TCERG1: variants seen among roughly 807,000 people sequenced by gnomAD.
TCERG1 encodes the protein transcription elongation regulator 1, also known as TATA box binding protein (TBP)-associated factor, RNA polymerase II, S, 150kD.
In TCERG1, 37 loss-of-function variants were observed where a neutral mutation model predicts 144.7. That is an observed-to-expected ratio of 0.26 (90% CI 0.20 to 0.34). The LOEUF (loss-of-function observed/expected upper bound fraction) is 0.34, where lower values mean the gene tolerates loss of function less well. Ranked by LOEUF, TCERG1 falls within the 10% of genes least tolerant of loss-of-function variation. The probability of loss-of-function intolerance (pLI) is 1.00; values close to 1 mark genes in which losing one functional copy is unlikely to be tolerated. For missense variants in TCERG1, 1,027 were observed against 1,380.7 expected (o/e 0.74, Z 4.06); for synonymous variants, 492 against 458.2 (o/e 1.07, Z -0.94).
chr5:146,478,279 G>C (rs1239088723), intron 9 of TCERG1: 3 of 398,434 alleles, frequency 7.5e-6, no homozygotes, highest in Non-Finnish European at 1.3e-5. Flanking sequence ...GCATTTCTTG[G>C]TTTTCTCAGT....
At chr5:146,509,941 A>G (rs1252380109) in intron 22 of TCERG1, 1 of 687,502 alleles carries the variant, frequency 1.5e-6, no homozygotes. Context: ...GAGGCTAGAT[A>G]GTGCTGAGGG....
chr5:146,509,952 T>C (rs1768333622), intron 22 of TCERG1: 1 of 842,704 alleles, frequency 1.2e-6, no homozygotes, highest in East Asian at 6.4e-5. Flanking sequence ...GTGCTGAGGG[T>C]GTGGTTTTTA....
chr5:146,509,344 T>C (rs1223779834), intron 22 of TCERG1, 99 bp downstream of exon 22: 3 of 795,502 alleles, frequency 3.8e-6, no homozygotes, highest in Non-Finnish European at 6.0e-6. Context: ...ATGTTGACAT[T>C]ATTAATTTTT....
chr5:146,470,782 CATTA>C lies in TCERG1; in HGVS notation c.1512+38_1512+41del, dbSNP rs756225269. 12 of 1,490,278 alleles carry C rather than the reference CATTA, an allele frequency of 8.1e-6. 1 individual carries two copies. In the Middle Eastern group the frequency reaches 5.3e-4, roughly 65 times the overall value. The allele number at this position is 1,490,278 out of a possible 1,614,324, so 92.3% of individuals were successfully genotyped here. A position where few individuals can be genotyped will look rare whatever the true frequency, so the allele number is the denominator to read the frequency against. The stretch of plus-strand genomic sequence containing the variant: ...CCATGACCTGTTAACCTGGGAGCCA[CATTA>C]ATTGTTTCCTACAGCTTACTTGTAT... On this transcript the variant is annotated intron_variant, in intron 8 of 22. Transcript: ENST00000679501.
chr5:146,470,881 C>T, intron 8 of TCERG1, 133 bp downstream of exon 8: 1 of 622,838 alleles, frequency 1.6e-6, no homozygotes, highest in East Asian at 3.2e-5. Flanking sequence ...AGGATTCTTG[C>T]AAGTTCTTAA....
At chr5:146,465,676 G>C (rs1195454256) in intron 5 of TCERG1, among the ~76,000 whole-genome samples, 1 of 152,182 alleles carries the variant, frequency 6.6e-6, no homozygotes, top group African/African-American at 2.4e-5. Flanking sequence ...TTGGGGGTCA[G>C]TTGGAAGAGA....
rs186305640 is a variant in TCERG1, at chr5:146,460,762, A to G, written c.892+1425A>G. Among the ~76,000 whole-genome samples the G allele has an allele frequency of 2.0e-5, 3 of 152,308 alleles. No homozygotes were observed. The East Asian group carries it at 5.8e-4, about 29-fold the overall frequency. ...ATTTTGTAGCGGGGGAATGTACTGA[A>G]CAGGAAAATATGAATAGTGTTTTAC... On this transcript the variant is annotated intron_variant, in intron 4 of 22. Transcript: ENST00000679501.
intron 3 of TCERG1, among the ~76,000 whole-genome samples, chr5:146,457,959 C>G (rs1309781264): frequency 6.6e-6 from 1 of 152,166 alleles, no homozygotes; most frequent in East Asian, 1.9e-4. Flanking sequence ...AAGCAATTCT[C>G]CTGCCTCAGC....
chr5:146,500,022 C>T (rs2150825184), intron 17 of TCERG1: 1 of 151,732 alleles, frequency 6.6e-6, no homozygotes, highest in South Asian at 2.1e-4. Context: ...GAGAATTGTG[C>T]CCAGAATGTG....
At chr5:146,474,180 A>T (rs1411978928) in intron 9 of TCERG1, among the ~76,000 whole-genome samples, 1 of 152,204 alleles carries the variant, frequency 6.6e-6, no homozygotes, top group Non-Finnish European at 1.5e-5. Flanking sequence ...GGAGGTCCAG[A>T]TATTAACATT....
At chr5:146,479,397 G>T (rs1282822503) in intron 10 of TCERG1, among the ~76,000 whole-genome samples, 1 of 152,018 alleles carries the variant, frequency 6.6e-6, no homozygotes, top group South Asian at 2.1e-4. Context: ...AGTCAGTGCC[G>T]CTTTGCCTAT....
chr5:146,465,875 A>AT (rs1314053030), intron 5 of TCERG1, among the ~76,000 whole-genome samples: 1 of 152,066 alleles, frequency 6.6e-6, no homozygotes, highest in African/African-American at 2.4e-5. Flanking sequence ...CTAAAAATAC[A>AT]AAATTAGCCG....
chr5:146,487,751 C>G (rs141753332), intron 15 of TCERG1, among the ~76,000 whole-genome samples: 154 of 140,818 alleles, frequency 1.1e-3, no homozygotes, highest in African/African-American at 4.0e-3. Flanking sequence ...AAAAAAAAAT[C>G]CTAAAATTTT....
chr5:146,472,701 T>TTGTGTGTGTGTGTG (rs59508893), intron 9 of TCERG1, among the ~76,000 whole-genome samples: 5,498 of 145,948 alleles, frequency 0.038, 239 homozygotes, highest in African/African-American at 0.1. Flanking sequence ...ACCTCTCACT[T>TTGTGTGTGTGTGTG]TGTGTGTGTG....
Position 146,507,858 on chromosome 5 carries a change from C to A in TCERG1, c.2962-15C>A, listed in dbSNP as rs1262044648. The stretch of plus-strand genomic sequence containing the variant: ...GTGAGTTGTATTTATGTTTTTTATT[C>A]ATGTCTTTTCAAAGATTACCTTAAC... On this transcript the variant is annotated splice_polypyrimidine_tract_variant and intron_variant, in intron 20 of 22. Transcript: ENST00000679501. The surrounding 1 kb of genome is among the most constrained non-coding windows in gnomAD (Gnocchi z 4.6). 3 of 1,579,592 alleles carry A rather than the reference C, an allele frequency of 1.9e-6. No individual in the cohort carries two copies. In the Admixed American group the frequency reaches 5.2e-5, roughly 27 times the overall value.
Position 146,457,839 on chromosome 5 carries a change from T to A in TCERG1, c.438+504T>A, listed in dbSNP as rs1184955193. 3.3e-5 allele frequency among the ~76,000 whole-genome samples: 5 copies of A among 152,196 alleles called. No individual in the cohort carries two copies. In the East Asian group the frequency reaches 9.6e-4, roughly 29 times the overall value. On this transcript the variant is annotated intron_variant, in intron 3 of 22. Transcript: ENST00000679501. ...AATTGGGCTGTGGGGTGGAATTACC[T>A]ATTTTTGTTGTTTTGTTTTTGTTTT...
rs1488699049 is a variant in TCERG1 at position 146,455,222 on chromosome 5, A to G, written c.226A>G (p.Met76Val). 2 of 1,614,150 alleles carry G rather than the reference A, an allele frequency of 1.2e-6. No homozygotes were observed. The highest frequency in any genetic ancestry group is 3.3e-5 in the Admixed American group (2 of 60,018). Residue 76 changes from methionine to valine, a missense_variant, in exon 2 of 23, where the codon ATG becomes GTG. Met to Val is a conservative substitution (Grantham distance 21). This residue lies in a region of TCERG1 where 175 missense variants were observed against 197.0 expected (regional missense o/e 0.89). Transcript: ENST00000679501. ...PFGRPPFDPN[M>V]PPMPPPGGIP... is the part of the protein sequence containing the mutation. ...TGGACGTCCTCCTTTTGATCCTAATATGCCGCCAATGCCTCCTCCAGGAGG... is the reference window on the plus strand; with the variant it reads ...TGGACGTCCTCCTTTTGATCCTAATGTGCCGCCAATGCCTCCTCCAGGAGG...
intron 12 of TCERG1, among the ~76,000 whole-genome samples, chr5:146,480,823 A>T (rs926865317): frequency 3.9e-5 from 6 of 152,112 alleles, no homozygotes; most frequent in African/African-American, 1.4e-4. Flanking sequence ...TTTAAAAAAA[A>T]TTTCTTTATT....
intron 19 of TCERG1, among the ~76,000 whole-genome samples, chr5:146,505,131 A>G (rs1767845846): frequency 6.6e-6 from 1 of 151,342 alleles, no homozygotes; most frequent in South Asian, 2.1e-4. Context: ...ATAATGTTTT[A>G]AGAAAGTTTA....
Sources: allele counts gnomAD v4.1 joint callset (sites outside exome capture counted in the v4.1 genomes callset), GRCh38; gene constraint gnomAD v4.1.1; regional missense constraint gnomAD v4.1.1; non-coding constraint Gnocchi (gnomAD v3.1); transcripts MANE v1.5; gene names NCBI Gene and HGNC (gene_info 2026-07-23, HGNC 2026-07-21).